The following MGST1 variants were observed in gnomAD, a reference collection of about 807,000 sequenced individuals.
MGST1 encodes the protein microsomal glutathione S-transferase 1.
MGST1 carries 5 observed loss-of-function variants against 8.9 expected under a neutral mutation model. That is an observed-to-expected ratio of 0.56 (90% CI 0.29 to 1.19). The LOEUF is 1.19. Ranked by LOEUF, MGST1 falls within the 50% of genes most tolerant of loss-of-function variation. The pLI is 0.08. For missense variants in MGST1, 182 were observed against 187.4 expected (o/e 0.97, Z 0.17); for synonymous variants, 54 against 67.8 (o/e 0.80, Z 1.00).
At chr12:16,350,405 C>G (rs1939408940) in intron 1 of MGST1, among the ~76,000 whole-genome samples, 1 of 152,198 alleles carries the variant, frequency 6.6e-6, no homozygotes, top group African/African-American at 2.4e-5. Flanking sequence ...TAATTCATAA[C>G]CAAATTAGTG....
At chr12:16,477,830 C>T (rs911916484) in intron 4 of MGST1, among the ~76,000 whole-genome samples, 3 of 152,116 alleles carry the variant, frequency 2.0e-5, no homozygotes, top group African/African-American at 7.2e-5. Flanking sequence ...TGGAAGCCAT[C>T]CTGTTTACCT....
At chr12:16,421,435 G>A (rs771139679) in intron 1 of MGST1, among the ~76,000 whole-genome samples, 3 of 152,164 alleles carry the variant, frequency 2.0e-5, no homozygotes, top group Non-Finnish European at 2.9e-5. Context: ...ATAAAGCCCA[G>A]AGTGGCAATA....
intron 1 of MGST1, among the ~76,000 whole-genome samples, chr12:16,431,772 T>C (rs1208027085): frequency 6.6e-6 from 1 of 152,168 alleles, no homozygotes; most frequent in African/African-American, 2.4e-5. Context: ...GAAAATTATG[T>C]TGATAGACTT....
intron 4 of MGST1, among the ~76,000 whole-genome samples, chr12:16,525,312 C>G (rs1182355965): frequency 7.7e-6 from 1 of 129,280 alleles, no homozygotes; most frequent in Admixed American, 9.1e-5. Flanking sequence ...CACCCCACAA[C>G]AGTCCCCAGT....
At chr12:16,432,731 C>CACACACACACACACACAGAGAGAG (rs775306657) in intron 1 of MGST1, among the ~76,000 whole-genome samples, 1 of 132,672 alleles carries the variant, frequency 7.5e-6, no homozygotes, top group African/African-American at 2.8e-5. Context: ...CACACACACA[C>CACACACACACACACACAGAGAGAG]AGAGAGAGAG....
At chr12:16,577,598 G>A (rs909887388) in intron 4 of MGST1, among the ~76,000 whole-genome samples, 1 of 152,044 alleles carries the variant, frequency 6.6e-6, no homozygotes. Context: ...TTCACAAAAC[G>A]TTTGTGGTAT....
exon 2 of MGST1, chr12:16,438,143 T>C (rs934375686): frequency 2.0e-5 from 3 of 151,996 alleles, no homozygotes; most frequent in Non-Finnish European, 2.9e-5. Context: ...GCAAGAAAGA[T>C]ATGTTGCCGG....
intron 4 of MGST1, among the ~76,000 whole-genome samples, chr12:16,539,404 AT>A (rs1941779374): frequency 1.3e-5 from 2 of 152,096 alleles, no homozygotes; most frequent in South Asian, 4.1e-4. Flanking sequence ...CTAATCATAA[AT>A]TTTCTTTTAA....
downstream of MGST1, among the ~76,000 whole-genome samples, chr12:16,366,274 A>G (rs550026652): frequency 2.0e-5 from 3 of 151,994 alleles, no homozygotes; most frequent in South Asian, 4.2e-4. The surrounding 1 kb of genome is among the most constrained non-coding windows in gnomAD (Gnocchi z 4.0). Context: ...AGTTGTAAAA[A>G]CAATTTAGAA....
chr12:16,441,023 C>A (rs1941034469), downstream of MGST1, among the ~76,000 whole-genome samples: 1 of 151,470 alleles, frequency 6.6e-6, no homozygotes, highest in African/African-American at 2.4e-5. Flanking sequence ...TTTGGTAAAC[C>A]ACCTCTTTAA....
chr12:16,399,157 T>A (rs1273229381), intron 1 of MGST1: 4 of 1,087,648 alleles, frequency 3.7e-6, no homozygotes, highest in Non-Finnish European at 5.3e-6. Flanking sequence ...CCGAAACCCA[T>A]AAACACAAAT....
intron 4 of MGST1, among the ~76,000 whole-genome samples, chr12:16,529,487 A>G (rs766051240): frequency 5.9e-5 from 9 of 152,056 alleles, no homozygotes; most frequent in Admixed American, 3.3e-4. Flanking sequence ...CTGGCACACA[A>G]GTCTATCAAC....
chr12:16,559,520 T>G lies in MGST1; in HGVS notation n.483-30008T>G, dbSNP rs1311226393. ...CATATTAGAATTTAGGTTTCCAGGT[T>G]CCCTGTTCAACACTTTTTCAAATGC... On this transcript the variant is annotated intron_variant and non_coding_transcript_variant, in intron 4 of 4. Transcript: ENST00000538857. This position sits in a 1 kb window ranked among gnomAD's most constrained non-coding sequence, Gnocchi z 4.1. Among the ~76,000 whole-genome samples the G allele has an allele frequency of 6.6e-6, 1 of 152,200 alleles. No individual in the cohort carries two copies. The highest frequency in any genetic ancestry group is 6.5e-5 in the Admixed American group (1 of 15,276).
chr12:16,544,392 A>G lies in MGST1; in HGVS notation n.483-45136A>G, dbSNP rs1199441356. Reference sequence around the variant, plus strand: ...CAAAAGAGTTGTCATACAAAAGAGAAAAAGCCAAATATGATATATGTGGCT... The same window carrying G: ...CAAAAGAGTTGTCATACAAAAGAGAGAAAGCCAAATATGATATATGTGGCT... On this transcript the variant is annotated intron_variant and non_coding_transcript_variant, in intron 4 of 4. Transcript: ENST00000538857. This position sits in a 1 kb window ranked among gnomAD's most constrained non-coding sequence, Gnocchi z 4.8. Among the ~76,000 whole-genome samples, 1 of 152,080 alleles carries G rather than the reference A, an allele frequency of 6.6e-6. No individual in the cohort carries two copies. Among genetic ancestry groups the G allele is most frequent in the African/African-American group, 2.4e-5 (1 of 41,422 alleles).
At chr12:16,403,044 T>G (rs1940672179) in intron 1 of MGST1, among the ~76,000 whole-genome samples, 1 of 151,808 alleles carries the variant, frequency 6.6e-6, no homozygotes, top group African/African-American at 2.4e-5. Flanking sequence ...TCCTTTAAAC[T>G]TTGACTTGAT....
chr12:16,440,359 A>C (rs1941028949), downstream of MGST1, among the ~76,000 whole-genome samples: 1 of 151,564 alleles, frequency 6.6e-6, no homozygotes, highest in Non-Finnish European at 1.5e-5. Flanking sequence ...AATAATTCCA[A>C]CTTCTTAGAG....
At chr12:16,487,434 C>T (rs1409886183) in intron 4 of MGST1, among the ~76,000 whole-genome samples, 3 of 152,078 alleles carry the variant, frequency 2.0e-5, no homozygotes, top group Admixed American at 6.6e-5. Flanking sequence ...ACTTTTTTAA[C>T]AGATTAGCAT....
intron 4 of MGST1, among the ~76,000 whole-genome samples, chr12:16,464,355 GT>G (rs991616129): frequency 6.6e-6 from 1 of 152,014 alleles, no homozygotes; most frequent in Non-Finnish European, 1.5e-5. Flanking sequence ...AAAATTTTCT[GT>G]TGTTTTTCTT....
intron 3 of MGST1, among the ~76,000 whole-genome samples, chr12:16,372,063 C>T (rs922654669): frequency 6.6e-6 from 1 of 151,990 alleles, no homozygotes; most frequent in African/African-American, 2.4e-5. Context: ...AAATCTAAGA[C>T]CTGAGACTAT....
Sources: allele counts gnomAD v4.1 joint callset (sites outside exome capture counted in the v4.1 genomes callset), GRCh38; gene constraint gnomAD v4.1.1; non-coding constraint Gnocchi (gnomAD v3.1); transcripts MANE v1.5; gene names NCBI Gene and HGNC (gene_info 2026-07-23, HGNC 2026-07-21).